The following ALDH4A1 variants were observed in gnomAD, a reference collection of about 807,000 sequenced individuals.
ALDH4A1 encodes delta-1-pyrroline-5-carboxylate dehydrogenase, mitochondrial.
A neutral mutation model predicts 70.5 loss-of-function variants in ALDH4A1; 46 were observed. The observed-to-expected ratio is 0.65, with a 90% CI of 0.51 to 0.83. ALDH4A1 has a LOEUF of 0.83. ALDH4A1 is among the 40% of genes least tolerant of loss of function. The pLI, the probability that ALDH4A1 is intolerant of heterozygous loss-of-function variation, is 0.00. For missense variants in ALDH4A1, 749 were observed against 766.5 expected, an observed-to-expected ratio of 0.98 and a Z score of 0.27; for synonymous variants, 323 against 324.3, an observed-to-expected ratio of 1.00 and a Z score of 0.04.
chr1:18,885,691 C>T lies in ALDH4A1; in HGVS notation c.298-63G>A, dbSNP rs559623923. ...AGCGGGAAAGGCCCTGGGGAGTGAG[C>T]GAGGGAGGAGAGACCTGGGAGGCCA... On this transcript the variant is annotated intron_variant, in intron 4 of 14. Transcript: ENST00000375341. 1.5e-4 allele frequency: 234 copies of T among 1,607,498 alleles called. 3 individuals carry two copies. In the South Asian group the frequency reaches 2.3e-3, roughly 15 times the overall value.
intron 1 of ALDH4A1, 49 bp downstream of exon 1, chr1:18,902,413 C>A (rs2100625034): frequency 7.7e-7 from 1 of 1,296,200 alleles, no homozygotes; most frequent in South Asian, 2.0e-5. Flanking sequence ...CTCAGGCTCC[C>A]GGGCCCCAGG....
At position 18,879,311 on chromosome 1, in the gene ALDH4A1, C is replaced by G; in HGVS notation, c.929G>C (p.Arg310Pro). 3 of 1,609,272 alleles carry G rather than the reference C, an allele frequency of 1.9e-6. No homozygotes were observed. Among genetic ancestry groups the G allele is most frequent in the Non-Finnish European group, 2.5e-6 (3 of 1,177,998 alleles). ...QNLDRFHTFP[R>P]LAGECGGKNF... is the part of the protein sequence containing the mutation. ...GAGGCAGGCCTTACCTCCAGCCAGG[C>G]GTGGGAAGGTGTGGAACCGGTCCAG... The change falls in exon 9 of 15, where the codon CGC becomes CCC. Residue 310 changes from arginine (R) to proline (P), a missense_variant. Arg to Pro is a moderately radical substitution (Grantham distance 103). Transcript: ENST00000375341.
intron 5 of ALDH4A1, 32 bp downstream of exon 5, chr1:18,885,441 G>GGGCCC: frequency 4.7e-6 from 2 of 423,740 alleles, no homozygotes; most frequent in South Asian, 2.9e-5. Flanking sequence ...ACCCCACCCC[G>GGGCCC]CCCCACCCAC....
chr1:18,874,626 C>G, intron 13 of ALDH4A1, 45 bp from the exon 14 acceptor site: 1 of 1,591,086 alleles, frequency 6.3e-7, no homozygotes, highest in Non-Finnish European at 8.6e-7. Flanking sequence ...CTCATCTCCC[C>G]TCCAGCCCCA....
intron 1 of ALDH4A1, among the ~76,000 whole-genome samples, chr1:18,891,674 G>C (rs564410452): frequency 6.6e-6 from 1 of 152,312 alleles, no homozygotes; most frequent in Admixed American, 6.5e-5. Context: ...CATTTACCAA[G>C]ATGTGCAGAG....
Position 18,883,152 on chromosome 1 carries a change from C to T in ALDH4A1, c.650G>A (p.Gly217Asp), listed in dbSNP as rs1444568269. The T allele has an allele frequency of 6.2e-7, 1 of 1,613,172 alleles. No homozygotes were observed. Among genetic ancestry groups the T allele is most frequent in the East Asian group, 2.2e-5 (1 of 44,866 alleles). Residue 217 changes from glycine to aspartate, a missense_variant, in exon 7 of 15, where the codon GGC becomes GAC. Physicochemically the swap from Gly to Asp is moderately conservative, Grantham distance 94 (BLOSUM62 -1). Transcript: ENST00000375341. ...CAGGGCCGGTGCCCCCGCCAGGTTG[C>T]CGCCGATTGCAGTGAAGTTAAAGGG... Reference protein sequence around the residue: ...ISPFNFTAIGGNLAGAPALMG... With the variant: ...ISPFNFTAIGDNLAGAPALMG...
In ALDH4A1 at chr1:18,885,688, G is replaced by T. The variant is rs542542977; in HGVS notation, c.298-60C>A. 2.2e-5 allele frequency: 36 copies of T among 1,609,426 alleles called. No individual in the cohort carries two copies. In the East Asian group the frequency reaches 7.6e-4, roughly 34 times the overall value. ...TGCAGCGGGAAAGGCCCTGGGGAGT[G>T]AGCGAGGGAGGAGAGACCTGGGAGG... On this transcript the variant is annotated intron_variant, in intron 4 of 14. Coordinates refer to ENST00000375341, the MANE Select transcript of ALDH4A1 (RefSeq NM_003748.4).
chr1:18,887,545 G>A (rs867464525), intron 3 of ALDH4A1, among the ~76,000 whole-genome samples: 3 of 152,160 alleles, frequency 2.0e-5, no homozygotes, highest in Admixed American at 6.5e-5. Context: ...CTTGCAGTGA[G>A]CCGAGATCGC....
chr1:18,891,661 G>A (rs184468307), intron 1 of ALDH4A1, among the ~76,000 whole-genome samples: 1 of 152,148 alleles, frequency 6.6e-6, no homozygotes, highest in African/African-American at 2.4e-5. Flanking sequence ...GGGAAAAAAG[G>A]AACATTTACC....
Position 18,883,211 on chromosome 1 carries a change from G to A in ALDH4A1, c.604-13C>T. On this transcript the variant is annotated splice_polypyrimidine_tract_variant and intron_variant, in intron 6 of 14. Coordinates refer to ENST00000375341, the MANE Select transcript of ALDH4A1 (RefSeq NM_003748.4). ...CCGCCACGAAGCCCTGGGGAAGGAG[G>A]CAGCGGTGAGATCAGGCCCATGGCA... 1.2e-6 allele frequency: 2 copies of A among 1,613,156 alleles called. No individual in the cohort carries two copies. Among genetic ancestry groups the A allele is most frequent in the African/African-American group, 1.3e-5 (1 of 75,076 alleles).
intron 1 of ALDH4A1, among the ~76,000 whole-genome samples, chr1:18,892,559 G>T (rs189109939): frequency 1.4e-5 from 2 of 139,238 alleles, no homozygotes; most frequent in African/African-American, 3.0e-5. Context: ...AGAAGGAGGC[G>T]GGGGGGGGCT....
chr1:18,894,187 C>T (rs1935537641), intron 1 of ALDH4A1, among the ~76,000 whole-genome samples: 1 of 152,176 alleles, frequency 6.6e-6, no homozygotes, highest in African/African-American at 2.4e-5. Context: ...GCCTCGGGGA[C>T]TGGCCCAGGT....
Position 18,881,844 on chromosome 1 carries a change from G to A in ALDH4A1, c.722C>T (p.Ala241Val). The A allele has an allele frequency of 6.2e-7, 1 of 1,613,820 alleles. No individual in the cohort carries two copies. Among genetic ancestry groups the A allele is most frequent in the East Asian group, 2.2e-5 (1 of 44,888 alleles). The change falls in exon 8 of 15, where the codon GCC becomes GTC. Residue 241 changes from alanine (A) to valine (V), a missense_variant. Ala to Val is a moderately conservative substitution (Grantham distance 64, BLOSUM62 0). Coordinates refer to ENST00000375341, the MANE Select transcript of ALDH4A1 (RefSeq NM_003748.4). ...AAGGATGCGGTAGACAGCATAGCTGGCCAGCATGGCAGTGTCACTGGGCTT... is the reference window on the plus strand; with the variant it reads ...AAGGATGCGGTAGACAGCATAGCTGACCAGCATGGCAGTGTCACTGGGCTT... ...LWKPSDTAML[A>V]SYAVYRILRE...
At chr1:18,875,298 T>C in intron 13 of ALDH4A1, 84 bp downstream of exon 13, 1 of 1,605,848 alleles carries the variant, frequency 6.2e-7, no homozygotes. Flanking sequence ...GCATTATTAC[T>C]GGGAACCACG....
chr1:18,896,026 G>A (rs1373474281), intron 1 of ALDH4A1, among the ~76,000 whole-genome samples: 4 of 152,046 alleles, frequency 2.6e-5, no homozygotes, highest in African/African-American at 7.2e-5. Context: ...GGTGCAATCC[G>A]GTCACCCCGG....
chr1:18,878,150 C>T (rs1292217017), intron 9 of ALDH4A1, among the ~76,000 whole-genome samples: 1 of 151,924 alleles, frequency 6.6e-6, no homozygotes, highest in Non-Finnish European at 1.5e-5. Context: ...TTCCTCCCTC[C>T]GTGGGAAGCA....
chr1:18,882,917 AG>A (rs1935039617), intron 7 of ALDH4A1, among the ~76,000 whole-genome samples: 1 of 152,206 alleles, frequency 6.6e-6, no homozygotes, highest in Admixed American at 6.5e-5. Context: ...AGGGATTGCC[AG>A]GGTCTCCCAG....
In ALDH4A1 at chr1:18,890,047, T is replaced by A; in HGVS notation, c.121A>T (p.Thr41Ser). The stretch of plus-strand genomic sequence containing the variant: ...GCATCTCGCTCAGGGCTGCCCTGCG[T>A]GAAGGCTAAGACGGGCTCGTTGGCC... ...KVANEPVLAF[T>S]QGSPERDALQ... The change falls in exon 2 of 15, where the codon ACG becomes TCG. Residue 41 changes from threonine to serine, a missense_variant. Physicochemically the swap from Thr to Ser is moderately conservative, Grantham distance 58. Coordinates refer to ENST00000375341, the MANE Select transcript of ALDH4A1 (RefSeq NM_003748.4). 1.2e-6 allele frequency: 2 copies of A among 1,612,896 alleles called. No homozygotes were observed. Among genetic ancestry groups the A allele is most frequent in the East Asian group, 2.2e-5 (1 of 44,866 alleles).
rs76762510 is a variant in ALDH4A1, at chr1:18,889,367, C to T, written c.244G>A (p.Val82Met). ...EVWTSDVQYQ[V>M]SPFNHGHKVA... is the part of the protein sequence containing the mutation. ...TGCCCACCCGCTGGACATACCGACA[C>T]TTGGTACTGCACGTCCGACGTCCAC... is the stretch of plus-strand genomic sequence containing the variant. The change falls in exon 3 of 15, where the codon GTG becomes ATG. Residue 82 changes from valine to methionine, a missense_variant. Coordinates refer to ENST00000375341, the MANE Select transcript of ALDH4A1 (RefSeq NM_003748.4). 3.2e-4 allele frequency: 490 copies of T among 1,552,204 alleles called. No homozygotes were observed. In the African/African-American group the frequency reaches 5.8e-3, roughly 18 times the overall value.
Sources: allele counts gnomAD v4.1 joint callset (sites outside exome capture counted in the v4.1 genomes callset), GRCh38; gene constraint gnomAD v4.1.1; transcripts MANE v1.5; gene names NCBI Gene and HGNC (gene_info 2026-07-23, HGNC 2026-07-21).